The following ZBTB34 variants were observed in gnomAD, a reference collection of about 807,000 sequenced individuals.
ZBTB34 encodes zinc finger and BTB domain-containing protein 34.
A neutral mutation model predicts 33.4 loss-of-function variants in ZBTB34; 1 was observed. The ratio of observed to expected loss-of-function variants is 0.03; its 90% confidence interval spans 0.01 to 0.14. The LOEUF is 0.14. ZBTB34 is among the 10% of genes least tolerant of loss of function. The pLI is 1.00. For synonymous variants in ZBTB34, 283 were observed against 253.5 expected, an observed-to-expected ratio of 1.12 and a Z score of -1.11; for missense variants, 406 against 657.2, an observed-to-expected ratio of 0.62 and a Z score of 4.18.
At chr9:126,866,137 T>C (rs974447760) in intron 1 of ZBTB34, among the ~76,000 whole-genome samples, 1 of 151,576 alleles carries the variant, frequency 6.6e-6, no homozygotes, top group South Asian at 2.1e-4. Flanking sequence ...TTTTTTTCCC[T>C]CCCCGAGTAA....
intron 1 of ZBTB34, among the ~76,000 whole-genome samples, chr9:126,874,403 T>C (rs1588389152): frequency 2.0e-5 from 3 of 152,212 alleles, no homozygotes; most frequent in African/African-American, 2.4e-5. Context: ...GTGTTTTGTT[T>C]TGTTTTGTTT....
At chr9:126,860,770 G>A (rs1305365133) in intron 1 of ZBTB34, 31 bp downstream of exon 1, 2 of 145,938 alleles carry the variant, frequency 1.4e-5, no homozygotes, top group Admixed American at 1.4e-4. Context: ...GCGGCGAGCA[G>A]CGGGCTAGGC....
chr9:126,867,590 T>A lies in ZBTB34; in HGVS notation c.-11+6851T>A, dbSNP rs572990170. On this transcript the variant is annotated intron_variant, in intron 1 of 1. Transcript: ENST00000319119. ...CAAATATGCATATATTTTTCCTCAATATATCATTTATCTTTTGGCTTTTGG... is the reference window on the plus strand; with the variant it reads ...CAAATATGCATATATTTTTCCTCAAAATATCATTTATCTTTTGGCTTTTGG... Among the ~76,000 whole-genome samples, 7 of 152,052 alleles carry A rather than the reference T, an allele frequency of 4.6e-5. No individual in the cohort carries two copies. The South Asian group carries it at 1.5e-3, about 32-fold the overall frequency.
intron 1 of ZBTB34, among the ~76,000 whole-genome samples, chr9:126,878,428 C>CCACT (rs1289964928): frequency 2.6e-5 from 4 of 151,736 alleles, no homozygotes; most frequent in Non-Finnish European, 5.9e-5. Flanking sequence ...CGAGATCACG[C>CCACT]CACTGCACTC....
In ZBTB34 at chr9:126,884,163, T is replaced by C. The variant is rs1338303026; in HGVS notation, c.*3249T>C. ...GCTTGTTCATAATTGAGTCTCTTCTTGAGCTACCTTTTCAATATTAGACAA... is the reference window on the plus strand; with the variant it reads ...GCTTGTTCATAATTGAGTCTCTTCTCGAGCTACCTTTTCAATATTAGACAA... On this transcript the variant is annotated 3_prime_UTR_variant, in exon 2 of 2. Coordinates refer to ENST00000319119, the Ensembl canonical transcript of ZBTB34. 3 of 167,074 alleles carry C rather than the reference T, an allele frequency of 1.8e-5. No individual in the cohort carries two copies. The Admixed American group carries it at 2.0e-4, about 11-fold the overall frequency. The allele number at this position is 167,074 out of a possible 1,614,324, so 10.3% of individuals were successfully genotyped here.
chr9:126,866,495 T>C (rs1247988094), intron 1 of ZBTB34, among the ~76,000 whole-genome samples: 1 of 152,198 alleles, frequency 6.6e-6, no homozygotes, highest in African/African-American at 2.4e-5. Flanking sequence ...CTGTTCCTGC[T>C]TTTCCTTCTG....
chr9:126,866,941 C>G (rs766878175), intron 1 of ZBTB34, among the ~76,000 whole-genome samples: 1 of 152,080 alleles, frequency 6.6e-6, no homozygotes, highest in Non-Finnish European at 1.5e-5. Context: ...AATATAATTC[C>G]TTTACAAAAC....
chr9:126,870,140 AGTTCTG>A (rs2033259221), intron 1 of ZBTB34, among the ~76,000 whole-genome samples: 1 of 152,198 alleles, frequency 6.6e-6, no homozygotes, highest in Non-Finnish European at 1.5e-5. Context: ...TGAATTAAAG[AGTTCTG>A]GTTCTGATGG....
chr9:126,870,874 T>C (rs544669470), intron 1 of ZBTB34, among the ~76,000 whole-genome samples: 28 of 150,890 alleles, frequency 1.9e-4, no homozygotes, highest in African/African-American at 6.8e-4. Flanking sequence ...TTGCCTTGAG[T>C]GGAGGTTGCA....
intron 1 of ZBTB34, among the ~76,000 whole-genome samples, chr9:126,875,564 C>T: frequency 6.6e-6 from 1 of 151,894 alleles, no homozygotes; most frequent in South Asian, 2.1e-4. Flanking sequence ...GCTTATCTTC[C>T]CCCACCCCTA....
At chr9:126,864,940 G>A (rs1023331869) in intron 1 of ZBTB34, among the ~76,000 whole-genome samples, 11 of 152,126 alleles carry the variant, frequency 7.2e-5, no homozygotes, top group Non-Finnish European at 1.3e-4. Flanking sequence ...AGAAAGCCTC[G>A]TTTGAGCTGT....
Position 126,880,933 on chromosome 9 carries a change from C to A in ZBTB34, c.*19C>A. 1.3e-6 allele frequency: 2 copies of A among 1,586,228 alleles called. No homozygotes were observed. Among genetic ancestry groups the A allele is most frequent in the Non-Finnish European group, 1.7e-6 (2 of 1,164,724 alleles). On this transcript the variant is annotated 3_prime_UTR_variant, in exon 2 of 2. Transcript: ENST00000319119. This position sits in a 1 kb window ranked among gnomAD's most constrained non-coding sequence, Gnocchi z 6.7. Reference sequence around the variant, plus strand: ...CGATTAAGATGGTAAAGAAGTGCACCCAAACAAAGCACATTAATCAATGCA... The same window carrying A: ...CGATTAAGATGGTAAAGAAGTGCACACAAACAAAGCACATTAATCAATGCA...
intron 1 of ZBTB34, among the ~76,000 whole-genome samples, chr9:126,869,694 G>A (rs560257253): frequency 2.6e-5 from 4 of 152,314 alleles, no homozygotes; most frequent in African/African-American, 7.2e-5. Flanking sequence ...GTGTGGTCAC[G>A]GCAGAGGCTG....
Position 126,875,455 on chromosome 9 carries a change from A to C in ZBTB34, c.-10-3935A>C, listed in dbSNP as rs577755668. On this transcript the variant is annotated intron_variant, in intron 1 of 1. Transcript: ENST00000319119. ...GGGGGAGAGTGTCTCTCTTTATGGT[A>C]TTGAATCATCCTGCCAGAAGCATGT... 2.0e-5 allele frequency among the ~76,000 whole-genome samples: 3 copies of C among 152,204 alleles called. No individual in the cohort carries two copies. In the East Asian group the frequency reaches 5.8e-4, roughly 29 times the overall value.
intron 1 of ZBTB34, among the ~76,000 whole-genome samples, chr9:126,875,045 T>C (rs1720281903): frequency 6.6e-6 from 1 of 152,168 alleles, no homozygotes; most frequent in South Asian, 2.1e-4. Context: ...AAAATTTCTT[T>C]AGTATTCTAG....
chr9:126,862,523 T>C (rs541524651), intron 1 of ZBTB34, among the ~76,000 whole-genome samples: 28 of 152,340 alleles, frequency 1.8e-4, no homozygotes, highest in African/African-American at 6.5e-4. Context: ...CTTCTCCAAG[T>C]CTGTCCCCTG....
exon 2 of ZBTB34, chr9:126,883,470 C>G (rs2033474032): frequency 1.8e-5 from 3 of 167,084 alleles, no homozygotes; most frequent in Admixed American, 6.5e-5. Context: ...ATTTGTGAAT[C>G]TGTTTAACTG....
At chr9:126,881,016 G>C in exon 2 of ZBTB34, 2 of 1,331,396 alleles carry the variant, frequency 1.5e-6, no homozygotes, top group Non-Finnish European at 2.0e-6. Context: ...GAAATCTCTT[G>C]GTCTCTTGGC....
rs1216391479 is a variant in ZBTB34 at position 126,880,069 on chromosome 9, G to C, written c.670G>C (p.Glu224Gln). ...TGAGATTCAGATAGAGGGAGACCAT[G>C]AGCAAGGAGACCTATTGGTGAGGGA... Residue 224 changes from glutamate (E) to glutamine (Q), a missense_variant, in exon 2 of 2, where the codon GAG (glutamate) becomes CAG (glutamine). This residue lies in a region of ZBTB34 where 137 missense variants were observed against 173.0 expected (regional missense o/e 0.79). Coordinates refer to ENST00000319119, the Ensembl canonical transcript of ZBTB34. This position sits in a 1 kb window ranked among gnomAD's most constrained non-coding sequence, Gnocchi z 6.7. The C allele has an allele frequency of 7.4e-6, 12 of 1,613,750 alleles. No individual in the cohort carries two copies. Among genetic ancestry groups the C allele is most frequent in the South Asian group, 1.1e-5 (1 of 91,078 alleles).
Sources: gnomAD v4.1 joint callset for allele counts (sites outside exome capture counted in the v4.1 genomes callset) on GRCh38, gnomAD v4.1.1 for gene constraint, gnomAD v4.1.1 regional missense constraint, Gnocchi (gnomAD v3.1) non-coding constraint, MANE v1.5 for transcripts, NCBI Gene and HGNC (gene_info 2026-07-23, HGNC 2026-07-21) for gene names.